Variants in PCM1 observed in about 807,000 individuals in gnomAD.
The protein encoded by PCM1 is pericentriolar material 1 protein.
A neutral mutation model predicts 241.9 loss-of-function variants in PCM1; 157 were observed. The ratio of observed to expected loss-of-function variants is 0.65; its 90% CI spans 0.57 to 0.74. PCM1 has a LOEUF of 0.74. Among genes scored for constraint, PCM1 ranks in the 30% least tolerant of loss-of-function variants. PCM1 has a pLI of 0.00. For missense variants in PCM1, 3,478 were observed against 2,360.1 expected, an observed-to-expected ratio of 1.47 and a Z score of -9.81; for synonymous variants, 1,085 against 784.9, an observed-to-expected ratio of 1.38 and a Z score of -6.39.
rs777557494 is a variant in PCM1, at chr8:17,947,242, T to G, written c.840T>G (p.His280Gln). Residue 280 changes from histidine to glutamine, a missense_variant, in exon 7 of 39, where the codon CAT (histidine) becomes CAG (glutamine). Transcript: ENST00000325083. The part of the protein sequence containing the change: ...MEEIENLKKQ[H>Q]DLLKRMLQQQ... ...AGATAGAAAATTTGAAGAAACAACA[T>G]GATTTATTAAAAAGAATGTTACAAC... 1.9e-6 allele frequency: 3 copies of G among 1,610,776 alleles called. No homozygotes were observed. The East Asian group carries it at 6.7e-5, about 36-fold the overall frequency.
chr8:17,944,968 C>CT (rs1260452978), intron 6 of PCM1, among the ~76,000 whole-genome samples: 11 of 152,142 alleles, frequency 7.2e-5, no homozygotes, highest in African/African-American at 2.6e-4. Context: ...AGAAAGTACG[C>CT]TTTTTTCTCA....
intron 23 of PCM1, among the ~76,000 whole-genome samples, chr8:17,977,003 A>G (rs1178028851): frequency 1.3e-5 from 2 of 152,124 alleles, no homozygotes; most frequent in Non-Finnish European, 2.9e-5. Flanking sequence ...AGAATTTCGT[A>G]TATGCCACAT....
At chr8:17,993,388 C>A (rs866082452) in intron 28 of PCM1, 95 bp from the exon 29 acceptor site, 3 of 805,924 alleles carry the variant, frequency 3.7e-6, no homozygotes, top group South Asian at 2.6e-5. Context: ...AGCATAAAAT[C>A]ATCAAATTTA....
At chr8:18,024,175 TG>T (rs571238490) in intron 36 of PCM1, among the ~76,000 whole-genome samples, 81 of 152,322 alleles carry the variant, frequency 5.3e-4, no homozygotes, top group African/African-American at 1.8e-3. Flanking sequence ...GAGAGCAACC[TG>T]GGCAACATAG....
chr8:17,968,626 G>C (rs1006847882), intron 21 of PCM1, among the ~76,000 whole-genome samples: 11 of 151,670 alleles, frequency 7.3e-5, no homozygotes, highest in African/African-American at 2.7e-4. Context: ...AGAGGGCTTT[G>C]TGAATATATA....
At chr8:17,953,362 T>C (rs943571757) in intron 9 of PCM1, among the ~76,000 whole-genome samples, 176 bp downstream of exon 9, 11 of 152,172 alleles carry the variant, frequency 7.2e-5, no homozygotes, top group Admixed American at 2.0e-4. Context: ...GAAAGCCAAA[T>C]AGGTGATAAA....
chr8:18,009,557 C>T lies in PCM1; in HGVS notation c.4973C>T (p.Ala1658Val), dbSNP rs2092133979. 1.9e-6 allele frequency: 3 copies of T among 1,595,276 alleles called. No homozygotes were observed. Among genetic ancestry groups the T allele is most frequent in the Non-Finnish European group, 1.7e-6 (2 of 1,169,816 alleles). The change falls in exon 31 of 39, where the codon GCA (alanine) becomes GTA (valine). Residue 1658 changes from alanine (A) to valine (V), a missense_variant. Ala to Val is a moderately conservative substitution (Grantham distance 64, BLOSUM62 0). Coordinates refer to ENST00000325083, the MANE Select transcript of PCM1 (RefSeq NM_006197.4). ...TTTATCTTTGAATAGGATTCACTGG[C>T]AAAATTTGCTGGCAGAAAACTGAAA... is the stretch of plus-strand genomic sequence containing the variant. ...QLGSILQDSLAKFAGRKLKDC... is the reference protein window; with the variant it reads ...QLGSILQDSLVKFAGRKLKDC...
chr8:17,977,168 C>G (rs894302786), intron 23 of PCM1, among the ~76,000 whole-genome samples: 13 of 152,036 alleles, frequency 8.6e-5, no homozygotes, highest in African/African-American at 3.1e-4. Context: ...ATTAAATGAG[C>G]AATAGTACTA....
chr8:17,927,587 C>G (rs948049551), intron 2 of PCM1: 2 of 152,014 alleles, frequency 1.3e-5, no homozygotes, highest in African/African-American at 2.4e-5. Context: ...GAGTCTTGCT[C>G]TGGCACCCAC....
intron 10 of PCM1, 90 bp downstream of exon 10, chr8:17,955,743 GATTT>G (rs1245659980): frequency 3.1e-6 from 3 of 961,238 alleles, no homozygotes; most frequent in African/African-American, 1.6e-5. Context: ...TGCAAAACGA[GATTT>G]ATTTAATATT....
chr8:17,999,086 G>A (rs902875651), intron 29 of PCM1, among the ~76,000 whole-genome samples: 3 of 152,244 alleles, frequency 2.0e-5, no homozygotes, highest in Non-Finnish European at 4.4e-5. Flanking sequence ...CAGAAATGCT[G>A]TCCAGGAGCC....
intron 26 of PCM1, chr8:17,986,289 T>C: frequency 2.5e-6 from 1 of 394,086 alleles, no homozygotes; most frequent in Non-Finnish European, 4.5e-6. Context: ...CCAAAAATTA[T>C]GTATGTATGA....
chr8:17,985,232 T>C (rs1050213389), intron 24 of PCM1, among the ~76,000 whole-genome samples: 8 of 151,868 alleles, frequency 5.3e-5, no homozygotes, highest in East Asian at 1.9e-4. Flanking sequence ...TTCATTAAAG[T>C]TTCATTTTTA....
At position 18,027,635 on chromosome 8, in the gene PCM1, A is replaced by G; in HGVS notation, c.6050-2A>G. The G allele has an allele frequency of 1.3e-6, 2 of 1,575,148 alleles. No homozygotes were observed. Among genetic ancestry groups the G allele is most frequent in the Non-Finnish European group, 1.7e-6 (2 of 1,152,926 alleles). ...ATAAAGCATTTTTATTCTGTTTTTCAGAAACGGTGGGAGCCCAGAGTATAT... is the reference window on the plus strand; with the variant it reads ...ATAAAGCATTTTTATTCTGTTTTTCGGAAACGGTGGGAGCCCAGAGTATAT... On this transcript the variant is annotated splice_acceptor_variant, in intron 38 of 38. Coordinates refer to ENST00000325083, the MANE Select transcript of PCM1 (RefSeq NM_006197.4). LOFTEE classifies it high-confidence loss of function.
At chr8:17,994,022 T>C (rs2085707531) in intron 29 of PCM1, among the ~76,000 whole-genome samples, 1 of 152,198 alleles carries the variant, frequency 6.6e-6, no homozygotes, top group African/African-American at 2.4e-5. Flanking sequence ...CTCAAGCATT[T>C]AACCTTTGTG....
intron 2 of PCM1, among the ~76,000 whole-genome samples, chr8:17,933,999 T>G: frequency 6.6e-6 from 1 of 152,138 alleles, no homozygotes; most frequent in East Asian, 1.9e-4. Flanking sequence ...GGTCAATGTA[T>G]TTGTGATTTT....
chr8:17,980,243 A>G (rs1448349846), intron 23 of PCM1: 8 of 167,230 alleles, frequency 4.8e-5, no homozygotes, highest in Admixed American at 4.4e-4. Context: ...GGATATTTGT[A>G]TATATCGGAT....
At chr8:17,963,910 T>C (rs62498183) in intron 17 of PCM1, among the ~76,000 whole-genome samples, 1,685 of 152,324 alleles carry the variant, frequency 0.011, 11 homozygotes, top group Non-Finnish European at 0.018. Context: ...CCTACTCTCT[T>C]CTCAGATGAA....
chr8:17,984,668 A>T (rs1193466036), intron 24 of PCM1, among the ~76,000 whole-genome samples: 1 of 151,890 alleles, frequency 6.6e-6, no homozygotes, highest in Non-Finnish European at 1.5e-5. Flanking sequence ...ATGATCTTGT[A>T]TACTTCTTTG....
Sources: gnomAD v4.1 joint callset for allele counts (sites outside exome capture counted in the v4.1 genomes callset) on GRCh38, gnomAD v4.1.1 for gene constraint, MANE v1.5 for transcripts, NCBI Gene and HGNC (gene_info 2026-07-23, HGNC 2026-07-21) for gene names.